COMMD10: variants seen among roughly 807,000 people sequenced by gnomAD.
COMMD10 encodes COMM domain containing 10.
A neutral mutation model predicts 28.9 loss-of-function variants in COMMD10; 33 were observed. The observed-to-expected ratio is 1.14, with a 90% CI of 0.87 to 1.53. COMMD10 has a LOEUF of 1.53. COMMD10 is among the 40% of genes most tolerant of loss of function. The pLI, the probability that COMMD10 is intolerant of heterozygous loss-of-function variation, is 0.00. For synonymous variants in COMMD10, 110 were observed against 81.7 expected, an observed-to-expected ratio of 1.35 and a Z score of -1.87; for missense variants, 310 against 233.4, an observed-to-expected ratio of 1.33 and a Z score of -2.14.
At chr5:116,164,244 C>T (rs1753019109) in intron 5 of COMMD10, among the ~76,000 whole-genome samples, 1 of 152,118 alleles carries the variant, frequency 6.6e-6, no homozygotes. Flanking sequence ...CTGCTTGAAC[C>T]CAGGAGGAGG....
chr5:116,250,125 C>G (rs1750066420), intron 5 of COMMD10, among the ~76,000 whole-genome samples: 1 of 151,736 alleles, frequency 6.6e-6, no homozygotes, highest in South Asian at 2.1e-4. Flanking sequence ...TTTTTACTTT[C>G]AAACATCTAG....
At chr5:116,245,167 G>A (rs188471185) in intron 5 of COMMD10, among the ~76,000 whole-genome samples, 69 of 152,016 alleles carry the variant, frequency 4.5e-4, no homozygotes, top group Admixed American at 1.6e-3. Context: ...GATAAGGGGC[G>A]ATTGCAACTG....
chr5:116,264,287 G>C (rs573581739), intron 5 of COMMD10, among the ~76,000 whole-genome samples: 16 of 151,764 alleles, frequency 1.1e-4, no homozygotes, highest in African/African-American at 3.6e-4. Flanking sequence ...CTGTAATTCA[G>C]GTCAAATTTC....
intron 5 of COMMD10, among the ~76,000 whole-genome samples, chr5:116,159,666 T>C (rs180717340): frequency 6.6e-6 from 1 of 152,296 alleles, no homozygotes; most frequent in Non-Finnish European, 1.5e-5. Flanking sequence ...GATAATGAAC[T>C]GTGGAGGTTT....
At chr5:116,120,912 GTATGTTTTTGTA>G (rs1561612704) in intron 4 of COMMD10, among the ~76,000 whole-genome samples, 2 of 151,614 alleles carry the variant, frequency 1.3e-5, no homozygotes, top group East Asian at 3.9e-4. Flanking sequence ...TATATGTTTT[GTATGTTTTTGTA>G]TATGTTTATG....
chr5:116,284,161 G>C (rs1013713391), intron 5 of COMMD10, among the ~76,000 whole-genome samples: 1 of 150,946 alleles, frequency 6.6e-6, no homozygotes, highest in African/African-American at 2.5e-5. Context: ...AGAATGATCA[G>C]CAAATTTAAT....
rs868388041 is a variant in COMMD10, at chr5:116,202,571, T to C, written c.510+68393T>C. On this transcript the variant is annotated intron_variant, in intron 5 of 6. Coordinates refer to ENST00000274458, the MANE Select transcript of COMMD10 (RefSeq NM_016144.4). ...TGTTGTTTCCTGACTTTTTAATGAT[T>C]GCCATTCTAAGTGGTGTGAGATGGT... is the stretch of plus-strand genomic sequence containing the variant. Among the ~76,000 whole-genome samples, 13 of 152,048 alleles carry C rather than the reference T, an allele frequency of 8.5e-5. 1 individual carries two copies. Among genetic ancestry groups the C allele is most frequent in the South Asian group, 6.2e-4 (3 of 4,820 alleles).
intron 5 of COMMD10, among the ~76,000 whole-genome samples, chr5:116,159,445 C>T (rs1752844909): frequency 6.6e-6 from 1 of 152,210 alleles, no homozygotes; most frequent in South Asian, 2.1e-4. Context: ...AGAGGCCTTT[C>T]CTGAACATAC....
intron 5 of COMMD10, among the ~76,000 whole-genome samples, chr5:116,172,902 AAT>A (rs578181205): frequency 6.6e-6 from 1 of 152,148 alleles, no homozygotes; most frequent in Non-Finnish European, 1.5e-5. Context: ...AAGAATTGAC[AAT>A]ATGAGAGGAT....
At chr5:116,285,835 G>T (rs1751205728) in intron 5 of COMMD10, among the ~76,000 whole-genome samples, 1 of 151,828 alleles carries the variant, frequency 6.6e-6, no homozygotes, top group South Asian at 2.1e-4. Context: ...TTTTCTTGTA[G>T]TGTCTTTGTC....
At chr5:116,176,122 T>G (rs1287798365) in intron 5 of COMMD10, among the ~76,000 whole-genome samples, 1 of 152,130 alleles carries the variant, frequency 6.6e-6, no homozygotes, top group Non-Finnish European at 1.5e-5. Flanking sequence ...TCACTGTTTG[T>G]TTATTTGTTG....
chr5:116,214,816 T>C (rs886227113), intron 5 of COMMD10, among the ~76,000 whole-genome samples: 3 of 152,158 alleles, frequency 2.0e-5, no homozygotes, highest in Admixed American at 1.3e-4. Flanking sequence ...TTCTTCTTTT[T>C]ATAATCAAAG....
intron 4 of COMMD10, among the ~76,000 whole-genome samples, chr5:116,112,429 G>A (rs990195928): frequency 3.3e-5 from 5 of 151,506 alleles, no homozygotes; most frequent in Admixed American, 1.3e-4. Flanking sequence ...ATGGAGTCGC[G>A]TGCTGTCGCC....
intron 5 of COMMD10, among the ~76,000 whole-genome samples, chr5:116,259,709 G>A (rs1045226224): frequency 2.0e-5 from 3 of 151,778 alleles, no homozygotes; most frequent in African/African-American, 7.3e-5. Flanking sequence ...AGAAGTGGGT[G>A]TGGCTGGGCA....
intron 4 of COMMD10, among the ~76,000 whole-genome samples, chr5:116,105,992 C>T (rs925164106): frequency 6.6e-6 from 1 of 151,924 alleles, no homozygotes; most frequent in Non-Finnish European, 1.5e-5. Context: ...TATTTCTTGT[C>T]TTCTGGTAGC....
At chr5:116,099,072 G>A (rs926630678) in intron 4 of COMMD10, among the ~76,000 whole-genome samples, 3 of 152,148 alleles carry the variant, frequency 2.0e-5, no homozygotes, top group African/African-American at 7.2e-5. Context: ...TAGATTCCCA[G>A]AACTTAATTT....
At chr5:116,197,971 A>ACAAT (rs1748572994) in intron 5 of COMMD10, among the ~76,000 whole-genome samples, 1 of 152,166 alleles carries the variant, frequency 6.6e-6, no homozygotes, top group Admixed American at 6.6e-5. Context: ...GGAAGGCTTT[A>ACAAT]CAATCACTGA....
rs539890431 is a variant in COMMD10, at chr5:116,140,678, A to G, written c.510+6500A>G. Among the ~76,000 whole-genome samples the G allele has an allele frequency of 1.9e-3, 282 of 151,938 alleles. 2 individuals carry two copies. The highest frequency in any genetic ancestry group is 3.0e-3 in the Non-Finnish European group (204 of 67,826). On this transcript the variant is annotated intron_variant, in intron 5 of 6. Transcript: ENST00000274458. ...TTGCATTTCCCTAATGGTTAGTGAT[A>G]TGGAACATCTTTTCATGTATCTGTT...
intron 5 of COMMD10, among the ~76,000 whole-genome samples, chr5:116,168,036 G>A (rs747128353): frequency 2.7e-5 from 4 of 150,406 alleles, no homozygotes; most frequent in Non-Finnish European, 5.9e-5. Flanking sequence ...GACACACACT[G>A]GTAAATTGGA....
Sources: gnomAD v4.1 joint callset for allele counts (sites outside exome capture counted in the v4.1 genomes callset) on GRCh38, gnomAD v4.1.1 for gene constraint, MANE v1.5 for transcripts, NCBI Gene and HGNC (gene_info 2026-07-23, HGNC 2026-07-21) for gene names.